LAMA2: variants seen among roughly 807,000 people sequenced by gnomAD.
LAMA2 encodes laminin subunit alpha 2.
In LAMA2, 269 loss-of-function variants were observed where a neutral mutation model predicts 364.8. The observed-to-expected ratio is 0.74, with a 90% CI of 0.67 to 0.82. LAMA2 has a LOEUF of 0.82. LAMA2 is among the 40% of genes least tolerant of loss of function. The pLI is 0.00. For missense variants in LAMA2, 3,807 were observed against 3,873.2 expected, an observed-to-expected ratio of 0.98 and a Z score of 0.45; for synonymous variants, 1,379 against 1,370.6, an observed-to-expected ratio of 1.01 and a Z score of -0.14.
intron 1 of LAMA2, among the ~76,000 whole-genome samples, chr6:128,988,411 T>A (rs1011945396): frequency 2.6e-5 from 4 of 151,840 alleles, no homozygotes; most frequent in African/African-American, 4.8e-5. Context: ...TAAAAAAAAA[T>A]ATGCAAAGTA....
chr6:129,045,901 C>A (rs1004586335), intron 1 of LAMA2, among the ~76,000 whole-genome samples: 1 of 152,102 alleles, frequency 6.6e-6, no homozygotes, highest in Non-Finnish European at 1.5e-5. Context: ...AGGCCATGGT[C>A]AGGGTCAGAA....
intron 1 of LAMA2, among the ~76,000 whole-genome samples, chr6:128,942,795 T>G (rs1780236254): frequency 6.6e-6 from 1 of 152,232 alleles, no homozygotes; most frequent in Non-Finnish European, 1.5e-5. Flanking sequence ...CATTGGTACC[T>G]GCCTCAGTTG....
At chr6:128,928,917 C>T in intron 1 of LAMA2, 2 of 751,206 alleles carry the variant, frequency 2.7e-6, no homozygotes, top group East Asian at 4.9e-5. Context: ...GGCATTTCTT[C>T]CTAAGTGGAA....
At chr6:129,401,812 G>A (rs1045452787) in intron 38 of LAMA2, among the ~76,000 whole-genome samples, 1 of 150,238 alleles carries the variant, frequency 6.7e-6, no homozygotes, top group African/African-American at 2.5e-5. Context: ...GCTTTTCTTG[G>A]TCTAAGTTGG....
intron 1 of LAMA2, among the ~76,000 whole-genome samples, chr6:128,920,648 G>C (rs1052719269): frequency 6.7e-6 from 1 of 150,120 alleles, no homozygotes; most frequent in South Asian, 2.1e-4. Context: ...GGCCTTATAA[G>C]TATTTGTTAT....
chr6:129,294,332 A>G (rs948941550), intron 20 of LAMA2, among the ~76,000 whole-genome samples: 10 of 152,240 alleles, frequency 6.6e-5, no homozygotes, highest in Non-Finnish European at 1.5e-4. Context: ...CTATAAGAGC[A>G]TAACATAGAC....
intron 55 of LAMA2, among the ~76,000 whole-genome samples, chr6:129,483,498 A>G (rs1240385888): frequency 6.6e-6 from 1 of 152,214 alleles, no homozygotes; most frequent in Admixed American, 6.5e-5. Flanking sequence ...ATTATAGTCA[A>G]TAAATTGGTA....
chr6:129,229,714 T>C (rs1784557417), intron 12 of LAMA2, among the ~76,000 whole-genome samples: 1 of 152,120 alleles, frequency 6.6e-6, no homozygotes, highest in Non-Finnish European at 1.5e-5. Flanking sequence ...TCCAGATACA[T>C]TTTGAAGGTA....
intron 14 of LAMA2, among the ~76,000 whole-genome samples, chr6:129,255,637 C>T (rs1786608905): frequency 6.6e-6 from 1 of 151,900 alleles, no homozygotes; most frequent in Admixed American, 6.6e-5. Flanking sequence ...AGAATCTTTT[C>T]AAGGCAAGAT....
chr6:129,062,414 A>C (rs1392465197), intron 3 of LAMA2, among the ~76,000 whole-genome samples: 6 of 152,140 alleles, frequency 3.9e-5, no homozygotes, highest in Non-Finnish European at 5.9e-5. Flanking sequence ...ACATAATCCT[A>C]GGGAGCTCAG....
At chr6:129,433,669 C>T (rs910795858) in intron 41 of LAMA2, among the ~76,000 whole-genome samples, 1 of 151,770 alleles carries the variant, frequency 6.6e-6, no homozygotes. Flanking sequence ...AAAAATCGTC[C>T]CGATATTTAG....
At chr6:129,361,394 A>G (rs1157555505) in intron 32 of LAMA2, among the ~76,000 whole-genome samples, 1 of 152,224 alleles carries the variant, frequency 6.6e-6, no homozygotes, top group African/African-American at 2.4e-5. Flanking sequence ...TATCGATTGT[A>G]TCAGTTATAC....
At chr6:129,200,151 C>CGTGTACACATATACAT (rs1782120870) in intron 12 of LAMA2, among the ~76,000 whole-genome samples, 1 of 115,086 alleles carries the variant, frequency 8.7e-6, no homozygotes, top group African/African-American at 3.3e-5. Context: ...CACATATACA[C>CGTGTACACATATACAT]GTGTATATAT....
At position 129,370,816 on chromosome 6, in the gene LAMA2, C is replaced by T. The variant is rs375165174; in HGVS notation, c.4959+826C>T. Among the ~76,000 whole-genome samples the T allele has an allele frequency of 8.5e-5, 13 of 152,198 alleles. 1 individual carries two copies. Among genetic ancestry groups the T allele is most frequent in the Admixed American group, 5.9e-4 (9 of 15,280 alleles). On this transcript the variant is annotated intron_variant, in intron 34 of 64. Coordinates refer to ENST00000421865, the MANE Select transcript of LAMA2 (RefSeq NM_000426.4). The stretch of plus-strand genomic sequence containing the variant: ...AATTTGCTAAACTCAGGGACTTAAG[C>T]TGGACCCAGTCTCAAGATTCCCACT...
chr6:129,454,400 T>C (rs1316165046), intron 47 of LAMA2, 112 bp downstream of exon 47: 4 of 798,074 alleles, frequency 5.0e-6, no homozygotes, highest in Non-Finnish European at 8.3e-6. Flanking sequence ...TGTATGCATG[T>C]AAACACATGT....
chr6:129,145,213 ACAGATC>A (rs1302366235), intron 5 of LAMA2, among the ~76,000 whole-genome samples: 4 of 152,144 alleles, frequency 2.6e-5, no homozygotes, highest in Non-Finnish European at 2.9e-5. Flanking sequence ...GTTAATAGTT[ACAGATC>A]CTAAATACTC....
chr6:129,407,763 C>CTGGATTGGGT (rs1219229958), intron 40 of LAMA2, among the ~76,000 whole-genome samples: 1 of 152,198 alleles, frequency 6.6e-6, no homozygotes, highest in Non-Finnish European at 1.5e-5. Flanking sequence ...GTAGTCCTGT[C>CTGGATTGGGT]TGGATTGGGT....
intron 9 of LAMA2, among the ~76,000 whole-genome samples, chr6:129,168,236 G>T (rs1160751025): frequency 2.7e-5 from 4 of 149,978 alleles, no homozygotes; most frequent in African/African-American, 9.8e-5. Flanking sequence ...TGAAGTCCTT[G>T]CCCATGCCTA....
chr6:129,486,748 C>T (rs1052601475), intron 56 of LAMA2, 126 bp downstream of exon 56: 11 of 890,318 alleles, frequency 1.2e-5, no homozygotes, highest in African/African-American at 3.3e-5. Flanking sequence ...AAAAGGATAC[C>T]GTAGCTTAAT....
Sources: gnomAD v4.1 joint callset for allele counts (sites outside exome capture counted in the v4.1 genomes callset) on GRCh38, gnomAD v4.1.1 for gene constraint, MANE v1.5 for transcripts, NCBI Gene and HGNC (gene_info 2026-07-23, HGNC 2026-07-21) for gene names.